The following NAMPT variants were observed in gnomAD, a reference collection of about 807,000 sequenced individuals.
NAMPT encodes the protein NAmPRTase.
NAMPT carries 7 observed loss-of-function variants against 58.7 expected under a neutral mutation model. The ratio of observed to expected loss-of-function variants is 0.12; its 90% CI spans 0.07 to 0.22. The LOEUF (loss-of-function observed/expected upper bound fraction) is 0.22, where lower values mean the gene tolerates loss of function less well. Among genes scored for constraint, NAMPT ranks in the 10% least tolerant of loss-of-function variants. The pLI is 1.00. For synonymous variants in NAMPT, 145 were observed against 198.1 expected (o/e 0.73, Z 2.25); for missense variants, 271 against 567.9 (o/e 0.48, Z 5.31).
intron 1 of NAMPT, 159 bp downstream of exon 1, chr7:106,284,669 C>A: frequency 1.1e-6 from 1 of 891,336 alleles, no homozygotes; most frequent in Admixed American, 5.0e-5. Context: ...CTCACCTGCC[C>A]CAGCCGCCGC....
rs768878444 is a variant in NAMPT at position 106,277,192 on chromosome 7, A to T, written c.58-13T>A. 6.2e-7 allele frequency: 1 copy of T among 1,601,198 alleles called. No individual in the cohort carries two copies. The highest frequency in any genetic ancestry group is 2.2e-5 in the East Asian group (1 of 44,682). On this transcript the variant is annotated splice_polypyrimidine_tract_variant and intron_variant, in intron 1 of 10. Transcript: ENST00000222553. ...TATAGTGAGTAACCTATGTAAAGAA[A>T]TACACTTCTGTTAGAAAACACCGAT...
rs775517130 is a variant in NAMPT, at chr7:106,263,557, C to T, written c.804G>A (p.Gln268=). 2.5e-6 allele frequency: 4 copies of T among 1,613,552 alleles called. No individual in the cohort carries two copies. Among genetic ancestry groups the T allele is most frequent in the Non-Finnish European group, 3.4e-6 (4 of 1,179,556 alleles). Residue 268 remains glutamine (Q), a synonymous_variant, in exon 7 of 11, where the codon CAG becomes CAA. Coordinates refer to ENST00000222553, the MANE Select transcript of NAMPT (RefSeq NM_005746.3). Reference sequence around the variant, plus strand: ...CCACAGATACAGGCACTGATGAAAACTGTGTTACAATATGTTCAAAAGCAT... The same window carrying T: ...CCACAGATACAGGCACTGATGAAAATTGTGTTACAATATGTTCAAAAGCAT... ...EKDAFEHIVT[Q]FSSVPVSVVS...
chr7:106,275,589 T>TA (rs1319781671), intron 2 of NAMPT: 1 of 152,346 alleles, frequency 6.6e-6, no homozygotes, highest in East Asian at 1.9e-4. Context: ...ACGAACCACT[T>TA]ACAATAATGC....
At chr7:106,255,439 T>C (rs1421713633) in intron 8 of NAMPT, among the ~76,000 whole-genome samples, 1 of 152,234 alleles carries the variant, frequency 6.6e-6, no homozygotes, top group Non-Finnish European at 1.5e-5. Flanking sequence ...GTAACAGCCT[T>C]ATGTGTATCA....
intron 8 of NAMPT, among the ~76,000 whole-genome samples, chr7:106,258,746 G>A (rs1792252704): frequency 6.6e-6 from 1 of 152,126 alleles, no homozygotes; most frequent in Admixed American, 6.5e-5. Flanking sequence ...ATACTTCATT[G>A]CTAAATAATG....
At chr7:106,265,543 C>T (rs1057487433) in intron 6 of NAMPT, among the ~76,000 whole-genome samples, 12 of 147,576 alleles carry the variant, frequency 8.1e-5, no homozygotes, top group East Asian at 5.9e-4. Context: ...CTGTAACATA[C>T]CTTGTGTGAA....
At chr7:106,254,063 C>A (rs78458977) in intron 9 of NAMPT, among the ~76,000 whole-genome samples, 1 of 152,222 alleles carries the variant, frequency 6.6e-6, no homozygotes, top group Admixed American at 6.5e-5. Context: ...GACATTCCTA[C>A]TCAAATATTA....
chr7:106,275,117 G>T, intron 2 of NAMPT, 68 bp from the exon 3 acceptor site: 1 of 964,954 alleles, frequency 1.0e-6, no homozygotes. Flanking sequence ...AACTGTCACA[G>T]ACTTAATATC....
intron 3 of NAMPT, among the ~76,000 whole-genome samples, 171 bp from the exon 4 acceptor site, chr7:106,272,829 CTAGT>C (rs1311031918): frequency 6.6e-6 from 1 of 152,138 alleles, no homozygotes; most frequent in Non-Finnish European, 1.5e-5. Context: ...TAAAATAAAA[CTAGT>C]TAAAATTATT....
chr7:106,282,467 T>A (rs1254817307), intron 1 of NAMPT, among the ~76,000 whole-genome samples: 1 of 152,218 alleles, frequency 6.6e-6, no homozygotes, highest in Non-Finnish European at 1.5e-5. Context: ...GCACATTTCA[T>A]AACTAATGGA....
intron 2 of NAMPT, 37 bp from the exon 3 acceptor site, chr7:106,275,086 G>T (rs371217949): frequency 1.5e-4 from 204 of 1,332,482 alleles, no homozygotes; most frequent in Non-Finnish European, 2.1e-4. Context: ...CATTTCTAAA[G>T]GTGCATTCTG....
At chr7:106,255,222 A>G (rs573406832) in intron 8 of NAMPT, among the ~76,000 whole-genome samples, 1 of 152,198 alleles carries the variant, frequency 6.6e-6, no homozygotes, top group Non-Finnish European at 1.5e-5. Context: ...AGATGTGTTT[A>G]TTACCAATGT....
chr7:106,283,863 A>G (rs1792811665), intron 1 of NAMPT, among the ~76,000 whole-genome samples: 1 of 152,208 alleles, frequency 6.6e-6, no homozygotes, highest in South Asian at 2.1e-4. Flanking sequence ...AAAAGAATCA[A>G]AACAAAAACA....
chr7:106,261,537 A>C, intron 8 of NAMPT, 51 bp downstream of exon 8: 1 of 1,376,440 alleles, frequency 7.3e-7, no homozygotes, highest in Non-Finnish European at 1.0e-6. Flanking sequence ...AACATAAACA[A>C]ACTTAATTAT....
Position 106,272,631 on chromosome 7 carries a change from T to C in NAMPT, c.346A>G (p.Ile116Val), listed in dbSNP as rs1346659138. The change falls in exon 4 of 11, where the codon ATA (isoleucine) becomes GTA (valine). Residue 116 changes from isoleucine to valine, a missense_variant. Coordinates refer to ENST00000222553, the MANE Select transcript of NAMPT (RefSeq NM_005746.3). ...ACAAAGCCCTCAGGAACAGCTTTTA[T>C]TTCTATTGGAAGATGCCCATCATAC... Reference protein sequence around the residue: ...EKYDGHLPIEIKAVPEGFVIP... With the variant: ...EKYDGHLPIEVKAVPEGFVIP... 6.2e-7 allele frequency: 1 copy of C among 1,613,432 alleles called. No homozygotes were observed.
intron 6 of NAMPT, among the ~76,000 whole-genome samples, chr7:106,267,860 A>C (rs1322097775): frequency 7.3e-6 from 1 of 137,488 alleles, no homozygotes; most frequent in Non-Finnish European, 1.6e-5. Context: ...AAAAAAAAAA[A>C]AAAAAAAAAA....
chr7:106,254,513 T>G lies in NAMPT; in HGVS notation c.1090-9A>C, dbSNP rs201453144. 864 of 1,612,956 alleles carry G rather than the reference T, an allele frequency of 5.4e-4. 2 individuals are homozygous for G. Among genetic ancestry groups the G allele is most frequent in the Non-Finnish European group, 6.8e-4 (801 of 1,179,234 alleles). ...TTCATGCCTTCTACAATCTAGAAGATTAAAACAAAACAAAACCAAACCAAA... is the reference window on the plus strand; with the variant it reads ...TTCATGCCTTCTACAATCTAGAAGAGTAAAACAAAACAAAACCAAACCAAA... On this transcript the variant is annotated splice_polypyrimidine_tract_variant and intron_variant, in intron 8 of 10. Coordinates refer to ENST00000222553, the MANE Select transcript of NAMPT (RefSeq NM_005746.3).
chr7:106,264,370 C>A (rs187587120), intron 6 of NAMPT, among the ~76,000 whole-genome samples: 3 of 151,936 alleles, frequency 2.0e-5, no homozygotes, highest in Non-Finnish European at 4.4e-5. Context: ...TCAGTTCTTA[C>A]GGGATAGATT....
intron 10 of NAMPT, among the ~76,000 whole-genome samples, chr7:106,251,571 TA>T (rs2115714388): frequency 6.6e-6 from 1 of 152,142 alleles, no homozygotes; most frequent in South Asian, 2.1e-4. Flanking sequence ...AAAAGCCTGG[TA>T]AACCCTGCCT....
Sources: allele counts gnomAD v4.1 joint callset (sites outside exome capture counted in the v4.1 genomes callset), GRCh38; gene constraint gnomAD v4.1.1; transcripts MANE v1.5; gene names NCBI Gene and HGNC (gene_info 2026-07-23, HGNC 2026-07-21).